Variants in APLF observed in about 807,000 individuals in gnomAD.
APLF encodes the protein aprataxin and PNKP like factor.
Under a neutral mutation model 55.6 loss-of-function variants are expected in APLF, and 61 were observed. The observed-to-expected ratio is 1.10, with a 90% CI of 0.89 to 1.36. The LOEUF is 1.36. Among genes scored for constraint, APLF ranks in the 40% most tolerant of loss-of-function variants. APLF has a pLI of 0.00. For missense variants in APLF, 611 were observed against 602.5 expected, an observed-to-expected ratio of 1.01 and a Z score of -0.15; for synonymous variants, 207 against 214.8, an observed-to-expected ratio of 0.96 and a Z score of 0.32.
intron 9 of APLF, among the ~76,000 whole-genome samples, chr2:68,575,755 T>C (rs1203511788): frequency 6.6e-6 from 1 of 152,034 alleles, no homozygotes; most frequent in Non-Finnish European, 1.5e-5. Flanking sequence ...GACTGATAAA[T>C]AGAATGACCA....
At chr2:68,538,957 A>G (rs1490024814) in intron 7 of APLF, among the ~76,000 whole-genome samples, 2 of 152,172 alleles carry the variant, frequency 1.3e-5, no homozygotes, top group Non-Finnish European at 2.9e-5. Context: ...TACATATAAA[A>G]CATTCAGTTC....
chr2:68,513,927 T>C (rs1360060728), intron 5 of APLF, among the ~76,000 whole-genome samples: 1 of 151,806 alleles, frequency 6.6e-6, no homozygotes, highest in African/African-American at 2.4e-5. Flanking sequence ...GCTAGAATTA[T>C]ATTAATAAAG....
intron 6 of APLF, among the ~76,000 whole-genome samples, chr2:68,536,914 C>T (rs1007529562): frequency 2.7e-5 from 4 of 150,358 alleles, no homozygotes; most frequent in African/African-American, 1.0e-4. Context: ...TGCCTGTAAT[C>T]CCAACACTTT....
At chr2:68,569,446 T>C (rs1476171619) in intron 9 of APLF, among the ~76,000 whole-genome samples, 4 of 152,104 alleles carry the variant, frequency 2.6e-5, no homozygotes, top group African/African-American at 9.7e-5. Context: ...ATCAAAGACA[T>C]CAAGGTAGAA....
chr2:68,570,706 G>A (rs1573279254), intron 9 of APLF, among the ~76,000 whole-genome samples: 2 of 152,188 alleles, frequency 1.3e-5, no homozygotes, highest in African/African-American at 4.8e-5. Context: ...TTGGACATTT[G>A]GGTTAGTTCC....
intron 3 of APLF, among the ~76,000 whole-genome samples, chr2:68,505,302 G>A (rs931054533): frequency 6.6e-6 from 1 of 151,938 alleles, no homozygotes; most frequent in African/African-American, 2.4e-5. Context: ...TTAGGAAAAT[G>A]TGCATCCTTA....
chr2:68,518,807 TA>T, intron 5 of APLF, among the ~76,000 whole-genome samples: 1 of 123,466 alleles, frequency 8.1e-6, no homozygotes, highest in Admixed American at 9.2e-5. Flanking sequence ...TAATCTATCA[TA>T]TAATAAAATA....
chr2:68,514,029 T>G (rs1487858271), intron 5 of APLF, among the ~76,000 whole-genome samples: 1 of 151,816 alleles, frequency 6.6e-6, no homozygotes, highest in African/African-American at 2.4e-5. Flanking sequence ...CCAGACGAAT[T>G]GATATACTTT....
chr2:68,476,585 A>G lies in APLF; in HGVS notation c.96+8758A>G, dbSNP rs140436509. 6.6e-3 allele frequency among the ~76,000 whole-genome samples: 1,005 copies of G among 152,138 alleles called. 7 individuals carry two copies. The highest frequency in any genetic ancestry group is 0.023 in the African/African-American group (943 of 41,508). ...AAGAGATAAGCACTGTAAACATTCA[A>G]TGTAGTTCTTTCATGTATTTAATCT... On this transcript the variant is annotated intron_variant, in intron 1 of 9. Coordinates refer to ENST00000303795, the MANE Select transcript of APLF (RefSeq NM_173545.3).
chr2:68,491,028 C>T (rs750367524), intron 2 of APLF, among the ~76,000 whole-genome samples: 8 of 152,120 alleles, frequency 5.3e-5, no homozygotes, highest in Non-Finnish European at 8.8e-5. Context: ...ACAGATAGTA[C>T]TTGCTTTTAT....
At chr2:68,506,023 G>A (rs1232567270) in intron 3 of APLF, among the ~76,000 whole-genome samples, 11 of 151,854 alleles carry the variant, frequency 7.2e-5, no homozygotes, top group Admixed American at 7.2e-4. Context: ...GTTGAAAGGG[G>A]TATATTGTGA....
At position 68,573,074 on chromosome 2, in the gene APLF, AC is replaced by A. The variant is rs372087176; in HGVS notation, c.1334-4744del. ...TGCATATATAAAAAAATCAGAAATTACCACATTCTAATCCCATATAGTAAAT... is the reference window on the plus strand; with the variant it reads ...TGCATATATAAAAAAATCAGAAATTACACATTCTAATCCCATATAGTAAAT... On this transcript the variant is annotated intron_variant, in intron 9 of 9. Transcript: ENST00000303795. 2.4e-3 allele frequency among the ~76,000 whole-genome samples: 365 copies of A among 152,344 alleles called. 2 individuals are homozygous for A. Among genetic ancestry groups the A allele is most frequent in the African/African-American group, 8.2e-3 (343 of 41,584 alleles).
intron 9 of APLF, among the ~76,000 whole-genome samples, chr2:68,573,435 G>A (rs543290677): frequency 4.6e-4 from 70 of 152,242 alleles, no homozygotes; most frequent in African/African-American, 1.6e-3. Context: ...CACTTTGGGG[G>A]GCCGAGGCGG....
In APLF at chr2:68,490,248, T is replaced by C; in HGVS notation, c.155T>C (p.Leu52Pro). The change falls in exon 2 of 10, where the codon CTG (leucine) becomes CCG (proline). Residue 52 changes from leucine (L) to proline (P), a missense_variant. Transcript: ENST00000303795. Reference sequence around the variant, plus strand: ...ATTCTTGAGGTGGCAGGTGGTCAGCTGCGAATCAAACCGGTAAATATGTTA... The same window carrying C: ...ATTCTTGAGGTGGCAGGTGGTCAGCCGCGAATCAAACCGGTAAATATGTTA... ...HAILEVAGGQLRIKPIHTNPC... is the reference protein window; with the variant it reads ...HAILEVAGGQPRIKPIHTNPC... 1 of 1,612,364 alleles carries C rather than the reference T, an allele frequency of 6.2e-7. No individual in the cohort carries two copies. Among genetic ancestry groups the C allele is most frequent in the Non-Finnish European group, 8.5e-7 (1 of 1,179,548 alleles).
intron 5 of APLF, among the ~76,000 whole-genome samples, chr2:68,517,432 T>A (rs1287665505): frequency 7.5e-6 from 1 of 132,460 alleles, no homozygotes; most frequent in Non-Finnish European, 1.5e-5. Flanking sequence ...TATATTAATA[T>A]ATCTATATAT....
intron 6 of APLF, chr2:68,528,568 C>T: frequency 6.5e-7 from 1 of 1,534,010 alleles, no homozygotes; most frequent in Non-Finnish European, 8.7e-7. Flanking sequence ...CCTTGGGCTG[C>T]ATGTCCTCCC....
chr2:68,545,186 G>C lies in APLF; in HGVS notation c.1161-1G>C. ...TGACAGTATATTTGTCGCCCTCCTA[G>C]GAAGAATCCTGTTCATTTTCAACAT... is the stretch of plus-strand genomic sequence containing the variant. On this transcript the variant is annotated splice_acceptor_variant, in intron 7 of 9. Transcript: ENST00000303795. LOFTEE classifies it high-confidence loss of function. 1 of 1,612,282 alleles carries C rather than the reference G, an allele frequency of 6.2e-7. No homozygotes were observed. The highest frequency in any genetic ancestry group is 8.5e-7 in the Non-Finnish European group (1 of 1,179,172).
intron 1 of APLF, among the ~76,000 whole-genome samples, chr2:68,470,617 T>A (rs1675588934): frequency 6.6e-6 from 1 of 152,236 alleles, no homozygotes; most frequent in African/African-American, 2.4e-5. Flanking sequence ...TTATGGGTTT[T>A]AATTAAAGCT....
chr2:68,494,303 GAAAA>G (rs1301012320), intron 2 of APLF, among the ~76,000 whole-genome samples: 1 of 111,184 alleles, frequency 9.0e-6, no homozygotes, highest in Admixed American at 8.8e-5. Flanking sequence ...AAAAAAAAAA[GAAAA>G]GAAAAAAGAT....
Sources: allele counts gnomAD v4.1 joint callset (sites outside exome capture counted in the v4.1 genomes callset), GRCh38; gene constraint gnomAD v4.1.1; transcripts MANE v1.5; gene names NCBI Gene and HGNC (gene_info 2026-07-23, HGNC 2026-07-21).